PLEKHH1: variants seen among roughly 807,000 people sequenced by gnomAD.
The protein encoded by PLEKHH1 is pleckstrin homology, MyTH4 and FERM domain containing H1.
Under a neutral mutation model 160.0 loss-of-function variants are expected in PLEKHH1, and 104 were observed. The ratio of observed to expected loss-of-function variants is 0.65; its 90% CI spans 0.55 to 0.76. The LOEUF is 0.76. PLEKHH1 is among the 30% of genes least tolerant of loss of function. The probability of loss-of-function intolerance (pLI) is 0.00; values close to 1 mark genes in which losing one functional copy is unlikely to be tolerated. For missense variants in PLEKHH1, 1,427 were observed against 1,724.1 expected (o/e 0.83, Z 3.05); for synonymous variants, 619 against 678.4 (o/e 0.91, Z 1.36).
intron 7 of PLEKHH1, among the ~76,000 whole-genome samples, chr14:67,563,731 CTTT>C (rs71129835): frequency 1.8e-4 from 16 of 86,814 alleles, no homozygotes; most frequent in East Asian, 5.8e-4. Flanking sequence ...CTGAGCCTGG[CTTT>C]TTTTTTTTTT....
chr14:67,571,909 A>G lies in PLEKHH1; in HGVS notation c.1585+7A>G. 6.2e-7 allele frequency: 1 copy of G among 1,604,022 alleles called. No homozygotes were observed. The highest frequency in any genetic ancestry group is 8.5e-7 in the Non-Finnish European group (1 of 1,174,982). On this transcript the variant is annotated splice_region_variant and intron_variant, in intron 10 of 28. Transcript: ENST00000329153. ...CCCCGGGCCATCAAGAGAGGTACAG[A>G]GAAGGGGAGCAGGGGCAGGGTGCAG...
At chr14:67,534,566 GA>G (rs2033621552) in intron 1 of PLEKHH1, among the ~76,000 whole-genome samples, 1 of 152,100 alleles carries the variant, frequency 6.6e-6, no homozygotes, top group Non-Finnish European at 1.5e-5. Flanking sequence ...AGCCATAACT[GA>G]AACCCAAGCC....
intron 28 of PLEKHH1, chr14:67,586,596 T>C: frequency 2.2e-6 from 1 of 457,624 alleles, no homozygotes; most frequent in Non-Finnish European, 3.9e-6. Flanking sequence ...TCCTACTCAA[T>C]ACAGGAAGTG....
intron 24 of PLEKHH1, among the ~76,000 whole-genome samples, chr14:67,583,501 ACTTCACCT>A (rs2036000330): frequency 1.3e-5 from 2 of 152,166 alleles, no homozygotes; most frequent in South Asian, 4.1e-4. Context: ...TGGAAAAGGC[ACTTCACCT>A]CAGCTGCAAA....
At chr14:67,535,500 C>A (rs937048292) in intron 1 of PLEKHH1, among the ~76,000 whole-genome samples, 4 of 150,738 alleles carry the variant, frequency 2.7e-5, no homozygotes, top group African/African-American at 9.8e-5. Flanking sequence ...CCTGCCTTAG[C>A]CTCCCAAGTG....
chr14:67,557,501 A>G, intron 4 of PLEKHH1, 83 bp downstream of exon 4: 1 of 1,368,482 alleles, frequency 7.3e-7, no homozygotes, highest in Non-Finnish European at 1.0e-6. Context: ...TGTTCCGCTC[A>G]AGCCCTCTAG....
At chr14:67,535,616 G>C (rs551353896) in intron 1 of PLEKHH1, among the ~76,000 whole-genome samples, 2 of 152,124 alleles carry the variant, frequency 1.3e-5, no homozygotes, top group African/African-American at 4.8e-5. Context: ...CTGACCTCAG[G>C]TAAGCCGCCT....
Position 67,557,304 on chromosome 14 carries a change from T to G in PLEKHH1, c.225T>G (p.Asn75Lys). Residue 75 changes from asparagine (N) to lysine (K), a missense_variant, in exon 4 of 29, where the codon AAT becomes AAG. Around this residue, in one of 6 missense-constraint regions of PLEKHH1, gnomAD observed 831 missense variants for 929.2 expected, o/e 0.89. Coordinates refer to ENST00000329153, the MANE Select transcript of PLEKHH1 (RefSeq NM_020715.3). The stretch of plus-strand genomic sequence containing the variant: ...TGGAAGAGAAGGTAAAACTATCCAA[T>G]CTGAAGAATGTGGACTCTGAGGGGA... Reference protein sequence around the residue: ...GVMEEKVKLSNLKNVDSEGSL... With the variant: ...GVMEEKVKLSKLKNVDSEGSL... 6.2e-7 allele frequency: 1 copy of G among 1,613,688 alleles called. No individual in the cohort carries two copies. Among genetic ancestry groups the G allele is most frequent in the East Asian group, 2.2e-5 (1 of 44,886 alleles).
chr14:67,556,011 G>A (rs2034578505), intron 3 of PLEKHH1, 124 bp downstream of exon 3: 1 of 1,265,648 alleles, frequency 7.9e-7, no homozygotes, highest in Admixed American at 2.1e-5. Context: ...CTGAACAAAT[G>A]AGTGTGCGTG....
At position 67,582,860 on chromosome 14, in the gene PLEKHH1, C is replaced by T. The variant is rs1230650162; in HGVS notation, c.3426+650C>T. ...CTCAAAACAAAACAAAACAAACAAA[C>T]AAACAAAAACCTCTGCCAGCCTCCA... On this transcript the variant is annotated intron_variant, in intron 24 of 28. Transcript: ENST00000329153. The surrounding 1 kb of genome is among the most constrained non-coding windows in gnomAD (Gnocchi z 5.0). Among the ~76,000 whole-genome samples, 1 of 151,972 alleles carries T rather than the reference C, an allele frequency of 6.6e-6. No homozygotes were observed. Among genetic ancestry groups the T allele is most frequent in the East Asian group, 1.9e-4 (1 of 5,190 alleles).
At chr14:67,538,333 C>T (rs965948156) in intron 1 of PLEKHH1, among the ~76,000 whole-genome samples, 3 of 152,202 alleles carry the variant, frequency 2.0e-5, no homozygotes, top group Non-Finnish European at 4.4e-5. Flanking sequence ...CTATGCAAGG[C>T]TCTAAGCAAG....
At chr14:67,564,466 T>G (rs1426409728) in intron 7 of PLEKHH1, among the ~76,000 whole-genome samples, 1 of 152,040 alleles carries the variant, frequency 6.6e-6, no homozygotes, top group Non-Finnish European at 1.5e-5. Context: ...AGATCATTCT[T>G]TTTTTAACTG....
intron 2 of PLEKHH1, among the ~76,000 whole-genome samples, chr14:67,546,435 CTT>C (rs1473389532): frequency 6.6e-6 from 1 of 152,164 alleles, no homozygotes; most frequent in African/African-American, 2.4e-5. Flanking sequence ...AAGTTTCTCT[CTT>C]GTTGCCCCGG....
At chr14:67,554,201 A>C (rs2034505322) in intron 2 of PLEKHH1, among the ~76,000 whole-genome samples, 1 of 152,204 alleles carries the variant, frequency 6.6e-6, no homozygotes, top group East Asian at 1.9e-4. Context: ...CTTCCATGTA[A>C]CTTTCCTCTC....
chr14:67,561,886 A>AAG, intron 5 of PLEKHH1, 68 bp from the exon 6 acceptor site: 2 of 1,108,318 alleles, frequency 1.8e-6, no homozygotes, highest in South Asian at 2.9e-5. Context: ...AAAAAAAAAA[A>AAG]GAATTGAAAA....
intron 7 of PLEKHH1, among the ~76,000 whole-genome samples, chr14:67,568,509 T>C (rs1361532511): frequency 6.6e-6 from 1 of 151,716 alleles, no homozygotes; most frequent in Admixed American, 6.6e-5. Context: ...AATACCTAGG[T>C]GATGGGTTGT....
At chr14:67,567,587 A>C (rs28610956) in intron 7 of PLEKHH1, among the ~76,000 whole-genome samples, 38,855 of 151,778 alleles carry the variant, frequency 0.26, 6,017 homozygotes, top group African/African-American at 0.44. Context: ...CCTCCTTGGC[A>C]TCCTTCCTCA....
In PLEKHH1 at chr14:67,562,658, G is replaced by A. The variant is rs754946236; in HGVS notation, c.1027G>A (p.Gly343Ser). 6.2e-7 allele frequency: 1 copy of A among 1,612,738 alleles called. No individual in the cohort carries two copies. Among genetic ancestry groups the A allele is most frequent in the Non-Finnish European group, 8.5e-7 (1 of 1,179,390 alleles). Reference sequence around the variant, plus strand: ...GCCCCAGGTGGGCCATGGGCACTTTGGCCGTGTGGTGAACATTGAGACTGA... The same window carrying A: ...GCCCCAGGTGGGCCATGGGCACTTTAGCCGTGTGGTGAACATTGAGACTGA... ...SQPQVGHGHF[G>S]RVVNIETEAF... Residue 343 changes from glycine (G) to serine (S), a missense_variant, in exon 7 of 29, where the codon GGC becomes AGC. Around this residue, in one of 6 missense-constraint regions of PLEKHH1, gnomAD observed 831 missense variants for 929.2 expected, o/e 0.89. Coordinates refer to ENST00000329153, the MANE Select transcript of PLEKHH1 (RefSeq NM_020715.3).
intron 7 of PLEKHH1, among the ~76,000 whole-genome samples, chr14:67,567,138 TCGTGTTCC>T (rs1265678064): frequency 2.0e-5 from 3 of 151,890 alleles, no homozygotes; most frequent in African/African-American, 7.3e-5. Flanking sequence ...GCATGATCAC[TCGTGTTCC>T]GTGTTCCGGG....
Sources: gnomAD v4.1 joint callset for allele counts (sites outside exome capture counted in the v4.1 genomes callset) on GRCh38, gnomAD v4.1.1 for gene constraint, gnomAD v4.1.1 regional missense constraint, Gnocchi (gnomAD v3.1) non-coding constraint, MANE v1.5 for transcripts, NCBI Gene and HGNC (gene_info 2026-07-23, HGNC 2026-07-21) for gene names.